The following ZNF425 variants were observed in gnomAD, a reference collection of about 807,000 sequenced individuals.
The protein encoded by ZNF425 is zinc finger protein 425.
In ZNF425, 21 loss-of-function variants were observed where a neutral mutation model predicts 17.0. The ratio of observed to expected loss-of-function variants is 1.23; its 90% CI spans 0.88 to 1.78. The LOEUF (loss-of-function observed/expected upper bound fraction) is 1.78. Ranked by LOEUF, ZNF425 falls within the 40% of genes most tolerant of loss-of-function variation. The pLI is 0.00. For synonymous variants in ZNF425, 433 were observed against 384.1 expected (o/e 1.13, Z -1.49); for missense variants, 868 against 967.3 (o/e 0.90, Z 1.36).
At chr7:149,124,632 C>A (rs1201849373) in intron 1 of ZNF425, among the ~76,000 whole-genome samples, 8 of 152,046 alleles carry the variant, frequency 5.3e-5, no homozygotes, top group African/African-American at 1.9e-4. Flanking sequence ...ACCTCTGCCT[C>A]CTGGGTTCAA....
At chr7:149,124,087 T>C (rs1826409529) in intron 1 of ZNF425, among the ~76,000 whole-genome samples, 1 of 151,252 alleles carries the variant, frequency 6.6e-6, no homozygotes, top group Admixed American at 6.6e-5. Context: ...GACCTCGTGA[T>C]CCGCCCGGCT....
chr7:149,113,764 G>C (rs1403010172), intron 2 of ZNF425, among the ~76,000 whole-genome samples: 1 of 151,516 alleles, frequency 6.6e-6, no homozygotes, highest in Admixed American at 6.6e-5. Flanking sequence ...TGTTAGCCAG[G>C]ATGGTCTCAA....
At chr7:149,108,161 T>TAGTG (rs1238510488) in intron 3 of ZNF425, among the ~76,000 whole-genome samples, 1 of 152,068 alleles carries the variant, frequency 6.6e-6, no homozygotes, top group Admixed American at 6.6e-5. Flanking sequence ...CATGAGCCAC[T>TAGTG]GTACCTGAGC....
chr7:149,124,857 C>T (rs1272433214), intron 1 of ZNF425, among the ~76,000 whole-genome samples: 2 of 152,206 alleles, frequency 1.3e-5, no homozygotes, highest in African/African-American at 2.4e-5. Context: ...GTGTTTTCCA[C>T]CTATAAAATT....
chr7:149,105,741 C>G (rs1826070432), intron 3 of ZNF425, among the ~76,000 whole-genome samples, 175 bp from the exon 4 acceptor site: 1 of 152,104 alleles, frequency 6.6e-6, no homozygotes, highest in Non-Finnish European at 1.5e-5. Flanking sequence ...AGCTCCGCCT[C>G]CCGGGTTCAC....
intron 1 of ZNF425, among the ~76,000 whole-genome samples, chr7:149,119,750 T>C (rs139206196): frequency 6.6e-6 from 1 of 152,150 alleles, no homozygotes; most frequent in African/African-American, 2.4e-5. Context: ...CTCATCTCTA[T>C]TAAAAAATAA....
intron 1 of ZNF425, 145 bp from the exon 2 acceptor site, chr7:149,118,493 C>A: frequency 1.0e-6 from 1 of 968,396 alleles, no homozygotes; most frequent in South Asian, 1.6e-5. Context: ...ACAAAGGGGT[C>A]ACAAATATCC....
chr7:149,126,048 C>T, intron 1 of ZNF425, 148 bp downstream of exon 1: 2 of 1,480,808 alleles, frequency 1.4e-6, no homozygotes, highest in Non-Finnish European at 1.8e-6. Flanking sequence ...GCACCTTCTC[C>T]AGCCCAGCCC....
chr7:149,112,196 G>C lies in ZNF425; in HGVS notation c.245C>G (p.Thr82Ser). The C allele has an allele frequency of 6.2e-7, 1 of 1,614,090 alleles. No individual in the cohort carries two copies. Among genetic ancestry groups the C allele is most frequent in the Non-Finnish European group, 8.5e-7 (1 of 1,179,956 alleles). ...CAACTGTTCATCAGTAGGAGGGCTA[G>C]TTGTCCTTCTTGTTTTATCTAAGCA... ...QGCLDKTRRT[T>S]SPPTDEQLNM... The change falls in exon 3 of 4, where the codon ACT becomes AGT. Residue 82 changes from threonine (T) to serine (S), a missense_variant. Physicochemically the swap from Thr to Ser is moderately conservative, Grantham distance 58 (BLOSUM62 1). Around this residue, in one of 5 missense-constraint regions of ZNF425, gnomAD observed 179 missense variants for 216.3 expected, o/e 0.83. Transcript: ENST00000378061.
intron 1 of ZNF425, among the ~76,000 whole-genome samples, chr7:149,123,679 G>T (rs1013268542): frequency 6.6e-6 from 1 of 150,892 alleles, no homozygotes; most frequent in East Asian, 2.0e-4. Flanking sequence ...TTACAGGAGC[G>T]CGCCACCACA....
At chr7:149,106,526 G>A (rs1038159107) in intron 3 of ZNF425, among the ~76,000 whole-genome samples, 5 of 151,966 alleles carry the variant, frequency 3.3e-5, no homozygotes, top group South Asian at 2.1e-4. Context: ...ATGAGCCACC[G>A]TGCCTAGCCA....
chr7:149,104,382 C>T lies in ZNF425; in HGVS notation c.1489G>A (p.Glu497Lys). The change falls in exon 4 of 4, where the codon GAG becomes AAG. Residue 497 changes from glutamate (E) to lysine (K), a missense_variant. Glu to Lys is a moderately conservative substitution (Grantham distance 56). Coordinates refer to ENST00000378061, the MANE Select transcript of ZNF425 (RefSeq NM_001001661.3). The surrounding 1 kb of genome is among the most constrained non-coding windows in gnomAD (Gnocchi z 4.3). ...TTTTTGCACTCGCCGCAGGGAAACT[C>T]CTTCTGCCTGTCGTGGACTCTGGTG... The part of the protein sequence containing the change: ...CHTRVHDRQK[E>K]FPCGECKKTF... 1 of 1,609,994 alleles carries T rather than the reference C, an allele frequency of 6.2e-7. No individual in the cohort carries two copies.
chr7:149,125,078 G>A (rs1280935197), intron 1 of ZNF425, among the ~76,000 whole-genome samples: 1 of 152,060 alleles, frequency 6.6e-6, no homozygotes, highest in African/African-American at 2.4e-5. Context: ...ACTTAAAGAG[G>A]AGAGAAAAAA....
chr7:149,118,227 G>A lies in ZNF425; in HGVS notation c.140C>T (p.Ser47Phe), dbSNP rs377210131. ...TCCTTAGAAGCTCATCTTACCCAGG[G>A]AATCAAGGGTCTCGTAATTGGTCTT... ...EMKTNYETLD[S>F]LGYAFSKPDL... The change falls in exon 2 of 4, where the codon TCC (serine) becomes TTC (phenylalanine). Residue 47 changes from serine (S) to phenylalanine (F), a missense_variant. This residue lies in a region of ZNF425 where 179 missense variants were observed against 216.3 expected (regional missense o/e 0.83). Transcript: ENST00000378061. 3 of 1,613,902 alleles carry A rather than the reference G, an allele frequency of 1.9e-6. No homozygotes were observed. Among genetic ancestry groups the A allele is most frequent in the African/African-American group, 1.3e-5 (1 of 74,890 alleles).
chr7:149,122,790 G>A (rs979468030), intron 1 of ZNF425, among the ~76,000 whole-genome samples: 1 of 152,062 alleles, frequency 6.6e-6, no homozygotes, highest in African/African-American at 2.4e-5. Context: ...CTGCCTCCTT[G>A]GTTCAAGCAG....
At position 149,112,187 on chromosome 7, in the gene ZNF425, G is replaced by A; in HGVS notation, c.254C>T (p.Pro85Leu). 2 of 1,614,086 alleles carry A rather than the reference G, an allele frequency of 1.2e-6. No homozygotes were observed. Among genetic ancestry groups the A allele is most frequent in the Non-Finnish European group, 1.7e-6 (2 of 1,179,974 alleles). The change falls in exon 3 of 4, where the codon CCT becomes CTT. Residue 85 changes from proline to leucine, a missense_variant. This residue lies in a region of ZNF425 where 179 missense variants were observed against 216.3 expected (regional missense o/e 0.83). Transcript: ENST00000378061. ...CTTCATGTTCAACTGTTCATCAGTA[G>A]GAGGGCTAGTTGTCCTTCTTGTTTT... The part of the protein sequence containing the change: ...LDKTRRTTSP[P>L]TDEQLNMKNT...
intron 1 of ZNF425, 141 bp from the exon 2 acceptor site, chr7:149,118,489 G>A: frequency 1.9e-6 from 2 of 1,061,936 alleles, no homozygotes; most frequent in Non-Finnish European, 2.7e-6. Flanking sequence ...AACAACAAAG[G>A]GGTCACAAAT....
At chr7:149,118,794 T>G in intron 1 of ZNF425, 3 of 204,688 alleles carry the variant, frequency 1.5e-5, no homozygotes, top group South Asian at 7.1e-5. Flanking sequence ...CAGCCTGGGC[T>G]ACAGAGTGAG....
At chr7:149,124,540 T>C (rs1161939600) in intron 1 of ZNF425, among the ~76,000 whole-genome samples, 2 of 151,760 alleles carry the variant, frequency 1.3e-5, no homozygotes, top group Non-Finnish European at 2.9e-5. Context: ...TTGTTGTTGT[T>C]GTTGTTGGTT....
Sources: allele counts gnomAD v4.1 joint callset (sites outside exome capture counted in the v4.1 genomes callset), GRCh38; gene constraint gnomAD v4.1.1; regional missense constraint gnomAD v4.1.1; non-coding constraint Gnocchi (gnomAD v3.1); transcripts MANE v1.5; gene names NCBI Gene and HGNC (gene_info 2026-07-23, HGNC 2026-07-21).